The following PHF24 variants were observed in gnomAD, a reference collection of about 807,000 sequenced individuals.
PHF24 encodes Galpha inhibitory interacting protein.
Under a neutral mutation model 42.6 loss-of-function variants are expected in PHF24, and 25 were observed. The observed-to-expected ratio is 0.59, with a 90% CI of 0.43 to 0.82. PHF24 has a LOEUF of 0.82. Ranked by LOEUF, PHF24 falls within the 40% of genes least tolerant of loss-of-function variation. The pLI is 0.00. For missense variants in PHF24, 470 were observed against 538.1 expected (o/e 0.87, Z 1.25); for synonymous variants, 185 against 204.8 (o/e 0.90, Z 0.83).
chr9:34,670,435 A>G, the PHF24 span, among the ~76,000 whole-genome samples: 1 of 152,174 alleles, frequency 6.6e-6, no homozygotes, highest in South Asian at 2.1e-4. Flanking sequence ...GTCAGAAGTG[A>G]ATTGCAGTCC....
At chr9:34,968,614 T>C (rs930534348) in intron 1 of PHF24, among the ~76,000 whole-genome samples, 1 of 152,292 alleles carries the variant, frequency 6.6e-6, no homozygotes, top group East Asian at 1.9e-4. Flanking sequence ...ACGTGAGCAG[T>C]GTAGGAGTTC....
chr9:34,680,496 G>A, the PHF24 span, among the ~76,000 whole-genome samples: 2 of 151,664 alleles, frequency 1.3e-5, no homozygotes, highest in South Asian at 4.2e-4. Flanking sequence ...AGACCATCCT[G>A]GCTAAAACGG....
At chr9:34,735,178 A>G in the PHF24 span, among the ~76,000 whole-genome samples, 1 of 125,102 alleles carries the variant, frequency 8.0e-6, no homozygotes, top group Non-Finnish European at 1.6e-5. Context: ...CTTTGTCGCC[A>G]GGGCTGGAGT....
the PHF24 span, among the ~76,000 whole-genome samples, chr9:34,780,555 G>A: frequency 2.1e-3 from 315 of 152,086 alleles, 1 homozygote; most frequent in African/African-American, 6.6e-3. Context: ...AAAGTGTTGG[G>A]ATTATAAGCG....
chr9:34,942,973 C>G, the PHF24 span, among the ~76,000 whole-genome samples: 1 of 151,824 alleles, frequency 6.6e-6, no homozygotes, highest in African/African-American at 2.4e-5. Flanking sequence ...ACATTGTGCA[C>G]TTGTACCCTA....
the PHF24 span, chr9:34,833,882 T>A: frequency 1.7e-5 from 26 of 1,550,168 alleles, no homozygotes; most frequent in Non-Finnish European, 2.3e-5. Flanking sequence ...GATGACAGAT[T>A]GGCTAGTGAC....
chr9:34,922,585 C>T, the PHF24 span: 51 of 965,682 alleles, frequency 5.3e-5, no homozygotes, highest in East Asian at 3.8e-4. Context: ...AATTTGCTCT[C>T]GCTTGTGAAG....
chr9:34,946,741 A>G, the PHF24 span, among the ~76,000 whole-genome samples: 19 of 152,326 alleles, frequency 1.2e-4, no homozygotes, highest in African/African-American at 4.3e-4. Context: ...AGGAAGGACA[A>G]TTTGGAATTT....
the PHF24 span, among the ~76,000 whole-genome samples, chr9:34,871,577 A>G: frequency 6.6e-6 from 1 of 152,030 alleles, no homozygotes; most frequent in African/African-American, 2.4e-5. Context: ...TTTCTGTTTT[A>G]TGTTTAGGTC....
At chr9:34,698,260 C>T in the PHF24 span, among the ~76,000 whole-genome samples, 2 of 152,036 alleles carry the variant, frequency 1.3e-5, no homozygotes, top group African/African-American at 2.4e-5. Context: ...CTTTCACAGG[C>T]GGATTCTATA....
At chr9:34,801,678 G>A in the PHF24 span, among the ~76,000 whole-genome samples, 1 of 152,032 alleles carries the variant, frequency 6.6e-6, no homozygotes, top group South Asian at 2.1e-4. Context: ...AGTGAGCTGA[G>A]GTCGCGCCAC....
chr9:34,835,233 G>A, the PHF24 span: 3 of 1,552,234 alleles, frequency 1.9e-6, no homozygotes, highest in Non-Finnish European at 2.6e-6. Flanking sequence ...CAGGTCTGGA[G>A]GGAAATGGTC....
At chr9:34,929,036 A>G in the PHF24 span, among the ~76,000 whole-genome samples, 17 of 152,158 alleles carry the variant, frequency 1.1e-4, no homozygotes, top group African/African-American at 3.4e-4. Flanking sequence ...ATGCTGTGCT[A>G]TAGCCCACTC....
the PHF24 span, among the ~76,000 whole-genome samples, chr9:34,860,707 T>TGTGTGTGC: frequency 6.6e-6 from 1 of 151,946 alleles, no homozygotes; most frequent in African/African-American, 2.4e-5. Context: ...TGTGTGTGTG[T>TGTGTGTGC]GCATGCACTC....
chr9:34,802,143 T>C, the PHF24 span, among the ~76,000 whole-genome samples: 7 of 152,182 alleles, frequency 4.6e-5, no homozygotes, highest in Admixed American at 2.6e-4. Context: ...TTTTATTGTT[T>C]GTTTCTTCCT....
chr9:34,712,498 A>G, the PHF24 span, among the ~76,000 whole-genome samples: 1 of 151,996 alleles, frequency 6.6e-6, no homozygotes, highest in Non-Finnish European at 1.5e-5. Context: ...TTGTCTTATC[A>G]TCAAGAATAC....
At chr9:34,969,760 G>A (rs1826908317) in intron 1 of PHF24, among the ~76,000 whole-genome samples, 1 of 152,044 alleles carries the variant, frequency 6.6e-6, no homozygotes, top group Non-Finnish European at 1.5e-5. Flanking sequence ...GATACACTCA[G>A]TCAGTATTAT....
At chr9:34,713,682 C>T in the PHF24 span, among the ~76,000 whole-genome samples, 1 of 152,014 alleles carries the variant, frequency 6.6e-6, no homozygotes, top group Non-Finnish European at 1.5e-5. Flanking sequence ...AATCTTTTAT[C>T]CATTTGGAGT....
upstream of PHF24, among the ~76,000 whole-genome samples, chr9:34,953,880 G>A (rs993985493): frequency 6.6e-6 from 1 of 152,124 alleles, no homozygotes; most frequent in Non-Finnish European, 1.5e-5. The surrounding 1 kb of genome is among the most constrained non-coding windows in gnomAD (Gnocchi z 4.1). Flanking sequence ...AGGCTGCAGT[G>A]AGCTGTGATT....
Sources: gnomAD v4.1 joint callset for allele counts (sites outside exome capture counted in the v4.1 genomes callset) on GRCh38, gnomAD v4.1.1 for gene constraint, Gnocchi (gnomAD v3.1) non-coding constraint, MANE v1.5 for transcripts, NCBI Gene and HGNC (gene_info 2026-07-23, HGNC 2026-07-21) for gene names.